The following NPEPPS variants were observed in gnomAD, a reference collection of about 807,000 sequenced individuals.
The protein encoded by NPEPPS is aminopeptidase puromycin sensitive.
Under a neutral mutation model 115.5 loss-of-function variants are expected in NPEPPS, and 14 were observed. That is an observed-to-expected ratio of 0.12 (90% confidence interval 0.08 to 0.19). The LOEUF (loss-of-function observed/expected upper bound fraction) is 0.19. NPEPPS is among the 10% of genes least tolerant of loss of function. The probability of loss-of-function intolerance (pLI) is 1.00; values close to 1 mark genes in which losing one functional copy is unlikely to be tolerated. For missense variants in NPEPPS, 523 were observed against 1,110.8 expected (o/e 0.47, Z 7.52); for synonymous variants, 285 against 390.6 (o/e 0.73, Z 3.19).
intron 1 of NPEPPS, among the ~76,000 whole-genome samples, chr17:47,545,648 A>G (rs1042241931): frequency 6.6e-6 from 1 of 152,120 alleles, no homozygotes; most frequent in African/African-American, 2.4e-5. Context: ...TCCTGGGCTC[A>G]AGCAGTCCTC....
chr17:47,567,121 T>C (rs1023719000), intron 2 of NPEPPS, among the ~76,000 whole-genome samples: 14 of 152,154 alleles, frequency 9.2e-5, no homozygotes, highest in African/African-American at 3.4e-4. Context: ...AGCTAGCTTA[T>C]GATTGTAGAA....
upstream of NPEPPS, among the ~76,000 whole-genome samples, chr17:47,530,485 T>G (rs973064351): frequency 1.0e-4 from 15 of 149,562 alleles, no homozygotes; most frequent in African/African-American, 3.7e-4. Context: ...GCCTCCTGAG[T>G]AGCTGGGACT....
chr17:47,622,038 G>T lies in NPEPPS; in HGVS notation c.*118G>T. ...GTCTTCTTTCAAACCAGTGGGGGTT[G>T]GACAATGAATGTAGTTAACTGGTTC... is the stretch of plus-strand genomic sequence containing the variant. On this transcript the variant is annotated 3_prime_UTR_variant, in exon 23 of 23. Transcript: ENST00000322157. The T allele has an allele frequency of 1.5e-6, 2 of 1,346,742 alleles. No homozygotes were observed. The highest frequency in any genetic ancestry group is 1.9e-6 in the Non-Finnish European group (2 of 1,042,964). 83.4% of individuals were successfully genotyped at this position (1,346,742 alleles called of 1,614,324 possible).
At chr17:47,610,909 G>A (rs1220515016) in intron 17 of NPEPPS, among the ~76,000 whole-genome samples, 4 of 133,036 alleles carry the variant, frequency 3.0e-5, no homozygotes, top group Non-Finnish European at 6.2e-5. Context: ...TTGGAGTGCA[G>A]TGGGCATGAT....
chr17:47,613,082 T>A (rs1567872044), intron 18 of NPEPPS, among the ~76,000 whole-genome samples: 2 of 152,190 alleles, frequency 1.3e-5, no homozygotes, highest in East Asian at 3.9e-4. Context: ...GTCCTCTTCT[T>A]ATTTGTTTAA....
rs10591746 is a variant in NPEPPS at position 47,579,930 on chromosome 17, CGTGTGT to C, written c.540+448_540+453del. 8.0e-3 allele frequency: 1,165 copies of C among 146,540 alleles called. 14 individuals are homozygous for C. Among genetic ancestry groups the C allele is most frequent in the Admixed American group, 0.03 (457 of 15,418 alleles). The allele number at this position is 146,540 out of a possible 1,614,324, so 9.1% of individuals were successfully genotyped here. ...TGCTGTCTTTGATTTTTTTTTTCTC[CGTGTGT>C]GTGTGTGTGTGTGTGTGTGTGTGTG... On this transcript the variant is annotated intron_variant, in intron 4 of 22. Transcript: ENST00000322157.
rs567441624 is a variant in NPEPPS, at chr17:47,613,557, G to A, written c.2239-112G>A. The A allele has an allele frequency of 3.6e-4, 322 of 897,322 alleles. 4 individuals are homozygous for A. The highest frequency in any genetic ancestry group is 1.6e-3 in the Middle Eastern group (5 of 3,214). The allele number at this position is 897,322 out of a possible 1,614,324, so 55.6% of individuals were successfully genotyped here. On this transcript the variant is annotated intron_variant, in intron 18 of 22. Transcript: ENST00000322157. ...GCAGGGATTACAGGCGTGAGTCACCGCAGCCGGCCAACATTTACAATATTG... is the reference window on the plus strand; with the variant it reads ...GCAGGGATTACAGGCGTGAGTCACCACAGCCGGCCAACATTTACAATATTG...
At chr17:47,534,799 C>CCT (rs1194139682) in intron 1 of NPEPPS, among the ~76,000 whole-genome samples, 1 of 151,298 alleles carries the variant, frequency 6.6e-6, no homozygotes, top group Non-Finnish European at 1.5e-5. Flanking sequence ...GAACTCCTGA[C>CCT]CTCAGGTGAT....
intron 3 of NPEPPS, among the ~76,000 whole-genome samples, chr17:47,571,025 AATT>A (rs1345606332): frequency 6.6e-6 from 1 of 152,226 alleles, no homozygotes. Flanking sequence ...GGTAGTAAAA[AATT>A]ATAATTAATA....
chr17:47,608,765 G>C (rs1913671047), intron 17 of NPEPPS, among the ~76,000 whole-genome samples: 1 of 152,148 alleles, frequency 6.6e-6, no homozygotes, highest in Non-Finnish European at 1.5e-5. Context: ...GAGAGAGGGG[G>C]GGTATCCCAG....
At chr17:47,536,779 T>A (rs1444058452) in intron 1 of NPEPPS, among the ~76,000 whole-genome samples, 1 of 145,118 alleles carries the variant, frequency 6.9e-6, no homozygotes, top group Non-Finnish European at 1.5e-5. Flanking sequence ...TGGCGCGATC[T>A]CGGCTCACCG....
chr17:47,572,382 A>G (rs2317809), intron 3 of NPEPPS, among the ~76,000 whole-genome samples: 2 of 152,212 alleles, frequency 1.3e-5, no homozygotes. Context: ...AGACATTTGC[A>G]AAAAGTTTCT....
chr17:47,606,365 A>G (rs1430430631), intron 17 of NPEPPS, among the ~76,000 whole-genome samples: 5 of 152,168 alleles, frequency 3.3e-5, no homozygotes, highest in Non-Finnish European at 5.9e-5. Flanking sequence ...ATCATCTGCT[A>G]ATAACTAAAG....
At chr17:47,608,762 G>T (rs1024824175) in intron 17 of NPEPPS, among the ~76,000 whole-genome samples, 2 of 152,154 alleles carry the variant, frequency 1.3e-5, no homozygotes, top group Non-Finnish European at 2.9e-5. Flanking sequence ...CAGGAGAGAG[G>T]GGGGGTATCC....
chr17:47,595,053 C>A (rs982785497), intron 12 of NPEPPS, among the ~76,000 whole-genome samples: 7 of 152,164 alleles, frequency 4.6e-5, no homozygotes, highest in Non-Finnish European at 1.0e-4. Flanking sequence ...GTCTCAGCCT[C>A]CCAAGTAGCT....
chr17:47,612,912 C>T (rs1338241953), intron 18 of NPEPPS, among the ~76,000 whole-genome samples: 1 of 152,222 alleles, frequency 6.6e-6, no homozygotes, highest in Non-Finnish European at 1.5e-5. Flanking sequence ...ATCCACCTGC[C>T]TTGGCCTCCC....
At chr17:47,556,547 C>A (rs1269184719) in intron 2 of NPEPPS, among the ~76,000 whole-genome samples, 2 of 152,176 alleles carry the variant, frequency 1.3e-5, no homozygotes, top group African/African-American at 2.4e-5. Context: ...CTTTTCCATT[C>A]GACAAAACCG....
intron 1 of NPEPPS, among the ~76,000 whole-genome samples, chr17:47,533,177 T>A (rs1185988141): frequency 6.6e-6 from 1 of 152,230 alleles, no homozygotes; most frequent in Non-Finnish European, 1.5e-5. Flanking sequence ...GATAGATAAC[T>A]ATAGCTGTCA....
At chr17:47,561,286 G>A (rs113503529) in intron 2 of NPEPPS, among the ~76,000 whole-genome samples, 3 of 143,720 alleles carry the variant, frequency 2.1e-5, no homozygotes, top group Non-Finnish European at 3.0e-5. Context: ...GCCGAGGCAC[G>A]AGGATTGCTT....
Sources: gnomAD v4.1 joint callset for allele counts (sites outside exome capture counted in the v4.1 genomes callset) on GRCh38, gnomAD v4.1.1 for gene constraint, MANE v1.5 for transcripts, NCBI Gene and HGNC (gene_info 2026-07-23, HGNC 2026-07-21) for gene names.